The following XIRP2 variants were observed in gnomAD, a reference collection of about 807,000 sequenced individuals.
XIRP2 encodes the protein xin actin-binding repeat-containing protein 2.
Under a neutral mutation model 277.0 loss-of-function variants are expected in XIRP2, and 236 were observed. That is an observed-to-expected ratio of 0.85 (90% CI 0.77 to 0.95). XIRP2 has a LOEUF of 0.95. Ranked by LOEUF, XIRP2 falls within the 40% of genes least tolerant of loss-of-function variation. The probability of loss-of-function intolerance (pLI) is 0.00; values close to 1 mark genes in which losing one functional copy is unlikely to be tolerated. For missense variants in XIRP2, 4,640 were observed against 4,157.5 expected (o/e 1.12, Z -3.19); for synonymous variants, 1,490 against 1,416.5 (o/e 1.05, Z -1.17).
rs1283569522 is a variant in XIRP2 at position 167,176,313 on chromosome 2, C to T, written c.563-34422C>T. On this transcript the variant is annotated intron_variant, in intron 3 of 10. Transcript: ENST00000409195. ...TGAGGCAATGCCCCACCCTTCTGCT[C>T]GCCCTCCGTGGGCTGCACCCACTGT... is the stretch of plus-strand genomic sequence containing the variant. Among the ~76,000 whole-genome samples, 13 of 150,776 alleles carry T rather than the reference C, an allele frequency of 8.6e-5. No individual in the cohort carries two copies. The East Asian group carries it at 9.8e-4, about 11-fold the overall frequency.
chr2:167,034,639 C>T (rs1688463409), intron 2 of XIRP2, among the ~76,000 whole-genome samples: 1 of 152,062 alleles, frequency 6.6e-6, no homozygotes, highest in Admixed American at 6.6e-5. Flanking sequence ...GCAGGAGCAG[C>T]TATACTTATA....
At chr2:166,914,681 T>A (rs1328139147) in intron 2 of XIRP2, among the ~76,000 whole-genome samples, 7 of 152,134 alleles carry the variant, frequency 4.6e-5, no homozygotes, top group Non-Finnish European at 2.9e-5. Context: ...TTATGGCAAT[T>A]TGCTATGGAA....
intron 2 of XIRP2, among the ~76,000 whole-genome samples, chr2:167,131,850 G>A (rs1296030149): frequency 6.6e-6 from 1 of 152,052 alleles, no homozygotes; most frequent in Non-Finnish European, 1.5e-5. Context: ...ACTGCCTTTT[G>A]GACATCTTGC....
intron 2 of XIRP2, among the ~76,000 whole-genome samples, chr2:167,086,159 A>G (rs1219302557): frequency 2.6e-5 from 4 of 151,908 alleles, no homozygotes; most frequent in Non-Finnish European, 5.9e-5. Context: ...ATCTCTCAGC[A>G]TTTGCTTGTC....
intron 3 of XIRP2, among the ~76,000 whole-genome samples, chr2:167,156,358 C>A (rs980764081): frequency 4.2e-4 from 64 of 152,094 alleles, no homozygotes; most frequent in Non-Finnish European, 6.9e-4. Context: ...GCATTACCTG[C>A]AATACTGCAT....
chr2:167,081,897 G>A (rs1476861609), intron 2 of XIRP2, among the ~76,000 whole-genome samples: 1 of 151,878 alleles, frequency 6.6e-6, no homozygotes, highest in African/African-American at 2.4e-5. Flanking sequence ...AGCATAGAAG[G>A]CTAGAAGTAG....
intron 2 of XIRP2, among the ~76,000 whole-genome samples, chr2:166,965,589 G>C (rs761271379): frequency 3.3e-5 from 5 of 151,520 alleles, no homozygotes; most frequent in Non-Finnish European, 5.9e-5. Flanking sequence ...TTGTTTGTTT[G>C]TTTATTTGTT....
intron 2 of XIRP2, among the ~76,000 whole-genome samples, chr2:166,980,840 C>A (rs1329910640): frequency 2.0e-5 from 3 of 151,914 alleles, no homozygotes; most frequent in African/African-American, 7.2e-5. Context: ...ATTCTGCCTT[C>A]TTTAGGATTA....
intron 1 of XIRP2, among the ~76,000 whole-genome samples, chr2:166,897,876 A>T (rs1053570867): frequency 2.0e-5 from 3 of 152,078 alleles, no homozygotes; most frequent in African/African-American, 7.2e-5. Flanking sequence ...TTCAAAGCAC[A>T]TGGGCTATGC....
At chr2:167,241,224 C>T (rs1200065364) in intron 7 of XIRP2, among the ~76,000 whole-genome samples, 1 of 148,116 alleles carries the variant, frequency 6.8e-6, no homozygotes, top group Admixed American at 6.7e-5. Context: ...GGTTTTGCTA[C>T]CCTGAAGAGC....
chr2:167,199,837 G>A (rs187259369), intron 3 of XIRP2, among the ~76,000 whole-genome samples: 20 of 152,260 alleles, frequency 1.3e-4, no homozygotes, highest in Non-Finnish European at 2.5e-4. Context: ...ACACATAAAG[G>A]AGGATCTGGA....
At chr2:167,050,760 A>G (rs1255253300) in intron 2 of XIRP2, among the ~76,000 whole-genome samples, 1 of 151,956 alleles carries the variant, frequency 6.6e-6, no homozygotes, top group Non-Finnish European at 1.5e-5. Context: ...AGCAACAATC[A>G]GATGTAAGTG....
chr2:167,049,089 T>A (rs895539455), intron 2 of XIRP2, among the ~76,000 whole-genome samples: 17 of 151,858 alleles, frequency 1.1e-4, no homozygotes, highest in African/African-American at 3.4e-4. Context: ...TTTTGGAGCT[T>A]ACTTCAATGA....
At chr2:167,133,180 C>T (rs138760903) in intron 2 of XIRP2, among the ~76,000 whole-genome samples, 2,446 of 152,238 alleles carry the variant, frequency 0.016, 33 homozygotes, top group Non-Finnish European at 0.025. Flanking sequence ...TGGTATTGTA[C>T]GCATTTGTTT....
At chr2:167,099,228 A>G (rs965040858) in intron 2 of XIRP2, among the ~76,000 whole-genome samples, 1 of 152,136 alleles carries the variant, frequency 6.6e-6, no homozygotes, top group African/African-American at 2.4e-5. Context: ...CTAGAGAGGC[A>G]GTCTGGCTAC....
At chr2:167,202,558 A>C (rs549140801) in intron 3 of XIRP2, among the ~76,000 whole-genome samples, 85 of 152,280 alleles carry the variant, frequency 5.6e-4, no homozygotes, top group African/African-American at 1.8e-3. Context: ...TTGGGACATA[A>C]AGAGTAATTT....
intron 3 of XIRP2, among the ~76,000 whole-genome samples, chr2:167,182,356 C>G (rs1286928088): frequency 6.6e-6 from 1 of 152,164 alleles, no homozygotes; most frequent in Non-Finnish European, 1.5e-5. Context: ...AATTACATAT[C>G]AGATGACTGA....
At chr2:166,943,460 G>T (rs2105385922) in intron 2 of XIRP2, among the ~76,000 whole-genome samples, 1 of 152,294 alleles carries the variant, frequency 6.6e-6, no homozygotes, top group Non-Finnish European at 1.5e-5. Flanking sequence ...ATCCAGCAAG[G>T]TATGAAAGTA....
chr2:167,026,102 A>G (rs1301085294), intron 2 of XIRP2, among the ~76,000 whole-genome samples: 2 of 152,126 alleles, frequency 1.3e-5, no homozygotes, highest in Non-Finnish European at 2.9e-5. Flanking sequence ...GTCTCTTTGA[A>G]GGTCACTCAG....
Sources: allele counts gnomAD v4.1 joint callset (sites outside exome capture counted in the v4.1 genomes callset), GRCh38; gene constraint gnomAD v4.1.1; transcripts MANE v1.5; gene names NCBI Gene and HGNC (gene_info 2026-07-23, HGNC 2026-07-21).